ADAMTS19: variants seen among roughly 807,000 people sequenced by gnomAD.
ADAMTS19 encodes the protein ADAM metallopeptidase with thrombospondin type 1 motif 19.
ADAMTS19 carries 93 observed loss-of-function variants against 153.3 expected under a neutral mutation model. That is an observed-to-expected ratio of 0.61 (90% CI 0.51 to 0.72). The LOEUF (loss-of-function observed/expected upper bound fraction) is 0.72. ADAMTS19 is among the 30% of genes least tolerant of loss of function. The pLI is 0.00. For missense variants in ADAMTS19, 1,482 were observed against 1,552.1 expected (o/e 0.95, Z 0.76); for synonymous variants, 600 against 556.6 (o/e 1.08, Z -1.10).
intron 7 of ADAMTS19, among the ~76,000 whole-genome samples, chr5:129,587,346 T>A (rs200567832): frequency 2.0e-5 from 3 of 151,906 alleles, no homozygotes; most frequent in African/African-American, 4.8e-5. Flanking sequence ...TTTTTTTTTT[T>A]AAATCTCATC....
chr5:129,554,606 G>A (rs931016803), intron 7 of ADAMTS19, among the ~76,000 whole-genome samples: 3 of 152,130 alleles, frequency 2.0e-5, no homozygotes, highest in African/African-American at 7.2e-5. Flanking sequence ...AGAATGAAGA[G>A]ATGGAAGGTT....
intron 21 of ADAMTS19, among the ~76,000 whole-genome samples, chr5:129,723,474 G>T (rs1163223364): frequency 6.6e-6 from 1 of 152,086 alleles, no homozygotes; most frequent in Non-Finnish European, 1.5e-5. Flanking sequence ...AAGTTGATTT[G>T]CTAGCATTTC....
intron 21 of ADAMTS19, among the ~76,000 whole-genome samples, chr5:129,729,454 A>G (rs1757345348): frequency 6.6e-6 from 1 of 151,908 alleles, no homozygotes; most frequent in Admixed American, 6.6e-5. Flanking sequence ...TACTAGTAAG[A>G]ACTTGATATT....
chr5:129,505,783 T>C (rs12188747), intron 2 of ADAMTS19, among the ~76,000 whole-genome samples: 13,629 of 152,172 alleles, frequency 0.09, 691 homozygotes, highest in Middle Eastern at 0.17. Flanking sequence ...AAAATGCCTA[T>C]GAAGATAGAA....
intron 3 of ADAMTS19, among the ~76,000 whole-genome samples, chr5:129,523,138 A>T (rs1751885760): frequency 6.6e-6 from 1 of 152,102 alleles, no homozygotes; most frequent in African/African-American, 2.4e-5. Flanking sequence ...AAGGTAGGAT[A>T]TGTGGTTAGT....
At position 129,591,143 on chromosome 5, in the gene ADAMTS19, C is replaced by T. The variant is rs1348536882; in HGVS notation, c.1373-5416C>T. Among the ~76,000 whole-genome samples, 52 of 152,184 alleles carry T rather than the reference C, an allele frequency of 3.4e-4. 1 individual carries two copies. The highest frequency in any genetic ancestry group is 3.4e-3 in the Admixed American group (52 of 15,276). On this transcript the variant is annotated intron_variant, in intron 7 of 22. Coordinates refer to ENST00000274487, the MANE Select transcript of ADAMTS19 (RefSeq NM_133638.6). ...TTTCCCTGGCTAACCCCTGCCCATT[C>T]AATGGTATCACCAAGTTGTTGCCCT... is the stretch of plus-strand genomic sequence containing the variant.
chr5:129,522,314 TATACAC>T (rs1182681615), intron 3 of ADAMTS19, among the ~76,000 whole-genome samples: 19 of 94,452 alleles, frequency 2.0e-4, no homozygotes, highest in African/African-American at 8.3e-4. Context: ...TATATATATA[TATACAC>T]ACACACACAC....
chr5:129,643,987 T>C (rs1418294694), intron 11 of ADAMTS19, among the ~76,000 whole-genome samples: 1 of 149,378 alleles, frequency 6.7e-6, no homozygotes, highest in Non-Finnish European at 1.5e-5. Flanking sequence ...TTGTCTTTAG[T>C]TTTTTAGCAA....
At chr5:129,575,100 G>A (rs1162540725) in intron 7 of ADAMTS19, among the ~76,000 whole-genome samples, 2 of 151,840 alleles carry the variant, frequency 1.3e-5, no homozygotes. Context: ...TATTTCTGCA[G>A]TTTATAGATT....
At chr5:129,721,883 G>A (rs1341767927) in intron 21 of ADAMTS19, among the ~76,000 whole-genome samples, 1 of 152,146 alleles carries the variant, frequency 6.6e-6, no homozygotes, top group Non-Finnish European at 1.5e-5. Context: ...TTAGTTTGCT[G>A]AGGATGATGT....
chr5:129,658,323 AAGAAAGAAAGAAAG>A (rs1266828388), intron 14 of ADAMTS19, among the ~76,000 whole-genome samples: 5 of 104,244 alleles, frequency 4.8e-5, no homozygotes. Flanking sequence ...GAAAGAAAGA[AAGAAAGAAAGAAAG>A]AAAGAAAGAA....
chr5:129,638,839 G>C (rs1424728485), intron 10 of ADAMTS19, among the ~76,000 whole-genome samples: 1 of 152,028 alleles, frequency 6.6e-6, no homozygotes, highest in Non-Finnish European at 1.5e-5. Flanking sequence ...GGAACTATTT[G>C]CTATAAAGAA....
At chr5:129,677,047 T>A (rs1754581975) in intron 16 of ADAMTS19, among the ~76,000 whole-genome samples, 1 of 152,178 alleles carries the variant, frequency 6.6e-6, no homozygotes, top group Admixed American at 6.5e-5. Flanking sequence ...TTCCTCAAAA[T>A]ACTTAATAGA....
At chr5:129,532,948 CAA>C (rs1752264134) in intron 6 of ADAMTS19, among the ~76,000 whole-genome samples, 1 of 152,054 alleles carries the variant, frequency 6.6e-6, no homozygotes, top group African/African-American at 2.4e-5. Context: ...ACCAAAAATA[CAA>C]AAGTTAGGCA....
At position 129,715,250 on chromosome 5, in the gene ADAMTS19, A is replaced by T. The variant is rs184543527; in HGVS notation, c.3312+10859A>T. On this transcript the variant is annotated intron_variant, in intron 21 of 22. Transcript: ENST00000274487. ...TTAACAGTTTCTATCTGGAATTTTT[A>T]AAAAATTCTTACTTTTTTAATCCTT... 9.3e-4 allele frequency among the ~76,000 whole-genome samples: 142 copies of T among 152,284 alleles called. 4 individuals carry two copies. In the East Asian group the frequency reaches 0.014, roughly 15 times the overall value.
At chr5:129,586,603 G>C (rs1749811560) in intron 7 of ADAMTS19, among the ~76,000 whole-genome samples, 1 of 152,188 alleles carries the variant, frequency 6.6e-6, no homozygotes, top group Admixed American at 6.5e-5. Context: ...GAATAAAGCT[G>C]CTATAAACAT....
intron 7 of ADAMTS19, among the ~76,000 whole-genome samples, chr5:129,568,379 A>T (rs914662849): frequency 2.6e-5 from 4 of 152,102 alleles, no homozygotes. Flanking sequence ...GGATAAAGGG[A>T]CTTTCATGTT....
chr5:129,538,784 CT>C (rs777085114), intron 6 of ADAMTS19, among the ~76,000 whole-genome samples: 1 of 152,024 alleles, frequency 6.6e-6, no homozygotes, highest in Non-Finnish European at 1.5e-5. Context: ...GTATACTTTT[CT>C]TGGAAATGTA....
rs186916104 is a variant in ADAMTS19 at position 129,492,420 on chromosome 5, G to A, written c.748-16657G>A. 2.6e-5 allele frequency among the ~76,000 whole-genome samples: 4 copies of A among 152,106 alleles called. No homozygotes were observed. In the East Asian group the frequency reaches 7.7e-4, roughly 29 times the overall value. On this transcript the variant is annotated intron_variant, in intron 2 of 22. Coordinates refer to ENST00000274487, the MANE Select transcript of ADAMTS19 (RefSeq NM_133638.6). ...GAGGGGTCTAAGATTGAGACTGGTG[G>A]TCAAAGAGATTATTAAACTTACTGA... is the stretch of plus-strand genomic sequence containing the variant.
Sources: allele counts gnomAD v4.1 joint callset (sites outside exome capture counted in the v4.1 genomes callset), GRCh38; gene constraint gnomAD v4.1.1; transcripts MANE v1.5; gene names NCBI Gene and HGNC (gene_info 2026-07-23, HGNC 2026-07-21).